Variants in LGALS9C observed in about 807,000 individuals in gnomAD.
The protein encoded by LGALS9C is galectin 9C, also known as galectin-9C.
Under a neutral mutation model 41.3 loss-of-function variants are expected in LGALS9C, and 7 were observed. The ratio of observed to expected loss-of-function variants is 0.17; its 90% confidence interval spans 0.10 to 0.32. The LOEUF is 0.32. Ranked by LOEUF, LGALS9C falls within the 10% of genes least tolerant of loss-of-function variation. The probability of loss-of-function intolerance (pLI) is 1.00; values close to 1 mark genes in which losing one functional copy is unlikely to be tolerated. For missense variants in LGALS9C, 102 were observed against 455.2 expected, an observed-to-expected ratio of 0.22 and a Z score of 7.06; for synonymous variants, 44 against 171.0, an observed-to-expected ratio of 0.26 and a Z score of 5.80.
intron 1 of LGALS9C, among the ~76,000 whole-genome samples, chr17:18,483,270 G>T (rs1289463712): frequency 2.1e-5 from 3 of 139,606 alleles, no homozygotes; most frequent in African/African-American, 7.4e-5. Flanking sequence ...CATCTGGGAA[G>T]AGGCTCTGCT....
At chr17:18,492,358 G>T in intron 8 of LGALS9C, 99 bp from the exon 9 acceptor site, 3 of 1,443,332 alleles carry the variant, frequency 2.1e-6, no homozygotes, top group Non-Finnish European at 1.9e-6. Context: ...CTTCTTCTCA[G>T]CTGACAGCCT....
At chr17:18,483,315 A>G (rs1304104864) in intron 1 of LGALS9C, among the ~76,000 whole-genome samples, 1 of 139,154 alleles carries the variant, frequency 7.2e-6, no homozygotes, top group African/African-American at 2.5e-5. Context: ...CACGGTGGCC[A>G]TTGTTATATG....
chr17:18,477,393 TA>T lies in LGALS9C; in HGVS notation c.39+501del, dbSNP rs1468333294. 4.9e-5 allele frequency among the ~76,000 whole-genome samples: 6 copies of T among 122,244 alleles called. 1 individual carries two copies. Among genetic ancestry groups the T allele is most frequent in the African/African-American group, 1.5e-4 (6 of 39,432 alleles). 80.2% of individuals were successfully genotyped at this position (122,244 alleles called of 152,430 possible). ...ATATGGATTAAGGAAGTAGTGTATC[TA>T]GAGTGTTTGAACAGTGCCTGACACA... On this transcript the variant is annotated intron_variant, in intron 1 of 10. Coordinates refer to ENST00000328114, the MANE Select transcript of LGALS9C (RefSeq NM_001040078.3).
rs1435806546 is a variant in LGALS9C at position 18,481,110 on chromosome 17, AGAGT to A, written c.40-2761_40-2758del. 5.4e-5 allele frequency among the ~76,000 whole-genome samples: 7 copies of A among 128,478 alleles called. 1 individual carries two copies. The highest frequency in any genetic ancestry group is 1.3e-4 in the Non-Finnish European group (7 of 52,962). The allele number at this position is 128,478 out of a possible 152,430, so 84.3% of individuals were successfully genotyped here. On this transcript the variant is annotated intron_variant, in intron 1 of 10. Transcript: ENST00000328114. ...CTCACTACACTCCAGCCTGGGCAACAGAGTGAGAACCCATCTCAAAATAAAATAA... is the reference window on the plus strand; with the variant it reads ...CTCACTACACTCCAGCCTGGGCAACAGAGAACCCATCTCAAAATAAAATAA...
intron 1 of LGALS9C, among the ~76,000 whole-genome samples, chr17:18,479,850 T>C (rs1989329935): frequency 8.0e-6 from 1 of 125,666 alleles, no homozygotes; most frequent in African/African-American, 2.6e-5. Flanking sequence ...TTTCTTTTGC[T>C]TTTCCAGCTT....
chr17:18,477,954 C>T lies in LGALS9C; in HGVS notation c.39+1061C>T, dbSNP rs558339263. 4.2e-3 allele frequency among the ~76,000 whole-genome samples: 525 copies of T among 125,712 alleles called. 31 individuals carry two copies. The highest frequency in any genetic ancestry group is 0.013 in the African/African-American group (508 of 38,296). The allele number at this position is 125,712 out of a possible 152,430, so 82.5% of individuals were successfully genotyped here. ...GAGGCCAGGGTTGGGCTTGGGTGCC[C>T]TCTGGTGATACTGAGTCCAGAATGA... On this transcript the variant is annotated intron_variant, in intron 1 of 10. Transcript: ENST00000328114.
rs1989313809 is a variant in LGALS9C at position 18,479,331 on chromosome 17, G to A, written c.39+2438G>A. 1.5e-5 allele frequency among the ~76,000 whole-genome samples: 2 copies of A among 130,178 alleles called. 1 individual carries two copies. The highest frequency in any genetic ancestry group is 3.8e-5 in the Non-Finnish European group (2 of 53,308). The allele number at this position is 130,178 out of a possible 152,430, so 85.4% of individuals were successfully genotyped here. ...TCCATGCAAAGAGCTGCACTGTCAA[G>A]GCCGACATGGGCCAGAGGCTCAGCA... On this transcript the variant is annotated intron_variant, in intron 1 of 10. Transcript: ENST00000328114.
chr17:18,484,696 G>A (rs1250457076), intron 2 of LGALS9C, among the ~76,000 whole-genome samples: 1 of 150,734 alleles, frequency 6.6e-6, no homozygotes, highest in Admixed American at 6.6e-5. Flanking sequence ...GCTCTCTCTC[G>A]GAAGCCTCTC....
chr17:18,484,725 C>G (rs1339215431), intron 2 of LGALS9C, among the ~76,000 whole-genome samples: 4 of 151,046 alleles, frequency 2.6e-5, no homozygotes, highest in Non-Finnish European at 5.9e-5. Context: ...TCCCAGCGGA[C>G]CTCTCTTAAG....
At chr17:18,482,584 G>T (rs1989436333) in intron 1 of LGALS9C, among the ~76,000 whole-genome samples, 1 of 146,828 alleles carries the variant, frequency 6.8e-6, no homozygotes. Context: ...AGCCCAGACG[G>T]TAATCATTGG....
intron 9 of LGALS9C, 63 bp downstream of exon 9, chr17:18,492,608 C>T: frequency 6.3e-7 from 1 of 1,575,324 alleles, no homozygotes; most frequent in Admixed American, 1.7e-5. Flanking sequence ...TCCAGCCATT[C>T]CCCTGGCTTT....
chr17:18,477,020 G>A, intron 1 of LGALS9C, 127 bp downstream of exon 1: 2 of 1,097,614 alleles, frequency 1.8e-6, no homozygotes, highest in Admixed American at 2.3e-5. Flanking sequence ...CACAAGCAGG[G>A]CAGAAATGTC....
At chr17:18,488,824 C>A in intron 4 of LGALS9C, 117 bp from the exon 5 acceptor site, 1 of 1,312,430 alleles carries the variant, frequency 7.6e-7, no homozygotes, top group South Asian at 1.3e-5. Flanking sequence ...CCCTAACCCC[C>A]TTGCTGCATC....
intron 1 of LGALS9C, among the ~76,000 whole-genome samples, chr17:18,479,373 G>A (rs1409129092): frequency 2.3e-5 from 3 of 129,994 alleles, no homozygotes; most frequent in East Asian, 1.9e-4. Flanking sequence ...ATCGCACCCC[G>A]TCCTCTCAGA....
Position 18,492,008 on chromosome 17 carries a change from A to C in LGALS9C, c.672+19A>C. On this transcript the variant is annotated intron_variant, in intron 8 of 10. Coordinates refer to ENST00000328114, the MANE Select transcript of LGALS9C (RefSeq NM_001040078.3). ...TGCCTATGTAAGTGGTTTCTCAGGG[A>C]GGGCAGAGGTTCTGTTTGTGGTGGG... 9 of 386,012 alleles carry C rather than the reference A, an allele frequency of 2.3e-5. No homozygotes were observed. The highest frequency in any genetic ancestry group is 2.2e-4 in the South Asian group (9 of 41,616). 23.9% of individuals were successfully genotyped at this position (386,012 alleles called of 1,614,324 possible). A position where few individuals can be genotyped will look rare whatever the true frequency, so the allele number is the denominator to read the frequency against.
Position 18,494,538 on chromosome 17 carries a change from G to A in LGALS9C, c.*171G>A. ...CTGGCTACAGCCACCCTGGAATCGA[G>A]AAGGCAGCTGACTGGGATTGCCTTC... On this transcript the variant is annotated 3_prime_UTR_variant, in exon 11 of 11. Transcript: ENST00000328114. 1 of 1,153,142 alleles carries A rather than the reference G, an allele frequency of 8.7e-7. No homozygotes were observed. Among genetic ancestry groups the A allele is most frequent in the Non-Finnish European group, 1.2e-6 (1 of 821,064 alleles). The allele number at this position is 1,153,142 out of a possible 1,614,324, so 71.4% of individuals were successfully genotyped here.
intron 3 of LGALS9C, 112 bp from the exon 4 acceptor site, chr17:18,487,535 C>A: frequency 5.2e-6 from 4 of 768,560 alleles, no homozygotes; most frequent in South Asian, 3.5e-5. Context: ...TGGCCCCACA[C>A]TGAAGACCAG....
At chr17:18,492,622 C>T in intron 9 of LGALS9C, 75 bp from the exon 10 acceptor site, 2 of 1,516,212 alleles carry the variant, frequency 1.3e-6, no homozygotes, top group East Asian at 4.5e-5. Context: ...TGGCTTTTGG[C>T]AGGCTGGGGA....
rs1989221473 is a variant in LGALS9C at position 18,476,883 on chromosome 17, A to G, written c.29A>G (p.Tyr10Cys). The G allele has an allele frequency of 1.2e-6, 2 of 1,601,658 alleles. No homozygotes were observed. The highest frequency in any genetic ancestry group is 1.3e-5 in the African/African-American group (1 of 74,714). MAFSGCQAP[Y>C]LSPAVPFSGT... is the part of the protein sequence containing the mutation. ...GCCTTCAGCGGTTGCCAGGCTCCCT[A>G]TCTGAGCCCAGTGAGTTCCGGGGCC... is the stretch of plus-strand genomic sequence containing the variant. Residue 10 changes from tyrosine to cysteine, a missense_variant, in exon 1 of 11, where the codon TAT becomes TGT. Coordinates refer to ENST00000328114, the MANE Select transcript of LGALS9C (RefSeq NM_001040078.3).
Sources: gnomAD v4.1 joint callset for allele counts (sites outside exome capture counted in the v4.1 genomes callset) on GRCh38, gnomAD v4.1.1 for gene constraint, MANE v1.5 for transcripts, NCBI Gene and HGNC (gene_info 2026-07-23, HGNC 2026-07-21) for gene names.